FYB1: variants seen among roughly 807,000 people sequenced by gnomAD.
FYB1 encodes the protein FYN binding protein 1, also known as FYN-binding protein 1.
FYB1 carries 41 observed loss-of-function variants against 94.1 expected under a neutral mutation model. The ratio of observed to expected loss-of-function variants is 0.44; its 90% CI spans 0.34 to 0.57. The LOEUF (loss-of-function observed/expected upper bound fraction) is 0.57. FYB1 is among the 20% of genes least tolerant of loss of function. The probability of loss-of-function intolerance (pLI) is 0.02; values close to 1 mark genes in which losing one functional copy is unlikely to be tolerated. For synonymous variants in FYB1, 367 were observed against 353.2 expected (o/e 1.04, Z -0.44); for missense variants, 1,050 against 976.8 (o/e 1.07, Z -1.00).
At position 39,114,154 on chromosome 5, in the gene FYB1, AC is replaced by A. The variant is rs201012503; in HGVS notation, c.2402-3766del. Among the ~76,000 whole-genome samples, 1,052 of 152,310 alleles carry A rather than the reference AC, an allele frequency of 6.9e-3. 56 individuals are homozygous for A. In the East Asian group the frequency reaches 0.12, roughly 18 times the overall value. ...AAAGAAAATGGAGAGCATTTTGGCCACAAATAACTCAGACAAAAAGTATCTT... is the reference window on the plus strand; with the variant it reads ...AAAGAAAATGGAGAGCATTTTGGCCAAAATAACTCAGACAAAAAGTATCTT... On this transcript the variant is annotated intron_variant, in intron 16 of 18. Transcript: ENST00000512982.
At chr5:39,113,169 G>A (rs529532892) in intron 16 of FYB1, among the ~76,000 whole-genome samples, 2 of 151,088 alleles carry the variant, frequency 1.3e-5, no homozygotes, top group South Asian at 4.2e-4. Flanking sequence ...CTCCATTATA[G>A]GTCCTAGAAA....
chr5:39,174,548 C>T (rs1024027346), intron 2 of FYB1, among the ~76,000 whole-genome samples: 8 of 151,986 alleles, frequency 5.3e-5, no homozygotes, highest in Non-Finnish European at 1.2e-4. Context: ...ATAAGGAAAC[C>T]CTGAAAAACA....
chr5:39,192,976 T>A (rs1747495359), intron 2 of FYB1, among the ~76,000 whole-genome samples: 1 of 152,196 alleles, frequency 6.6e-6, no homozygotes, highest in African/African-American at 2.4e-5. Context: ...CTCCTCTAAG[T>A]GGATTGGCTG....
At chr5:39,132,791 C>T (rs10071851) in intron 9 of FYB1, among the ~76,000 whole-genome samples, 3,198 of 152,132 alleles carry the variant, frequency 0.021, 93 homozygotes, top group African/African-American at 0.064. Context: ...AGGGAGTGTG[C>T]TTTTTAAAAA....
chr5:39,203,052 T>C, intron 1 of FYB1, 65 bp from the exon 2 acceptor site: 1 of 1,410,418 alleles, frequency 7.1e-7, no homozygotes. Context: ...TTTAAAATAC[T>C]ATACCTTACA....
intron 2 of FYB1, among the ~76,000 whole-genome samples, chr5:39,183,938 T>C (rs189769214): frequency 6.6e-6 from 1 of 152,226 alleles, no homozygotes. Flanking sequence ...ACAGGCCACA[T>C]TGGGAGAAAC....
At chr5:39,200,893 A>G (rs1748250485) in intron 2 of FYB1, among the ~76,000 whole-genome samples, 1 of 152,208 alleles carries the variant, frequency 6.6e-6, no homozygotes, top group Non-Finnish European at 1.5e-5. Flanking sequence ...ACAGTTGCAC[A>G]TCATTTACCT....
intron 12 of FYB1, among the ~76,000 whole-genome samples, chr5:39,124,941 A>G (rs1404098854): frequency 6.6e-6 from 1 of 151,610 alleles, no homozygotes. Context: ...ACACACACAC[A>G]CACACACACA....
intron 13 of FYB1, among the ~76,000 whole-genome samples, chr5:39,122,759 T>G (rs1398097690): frequency 6.6e-6 from 1 of 152,142 alleles, no homozygotes; most frequent in East Asian, 1.9e-4. Flanking sequence ...ACTGGCAGGA[T>G]GAAGTAGAGA....
intron 4 of FYB1, among the ~76,000 whole-genome samples, chr5:39,140,565 A>C (rs1158427827): frequency 6.6e-6 from 1 of 152,216 alleles, no homozygotes; most frequent in Non-Finnish European, 1.5e-5. Flanking sequence ...CTTAGCAACC[A>C]TTCCACTTCA....
chr5:39,213,222 G>A (rs192141917), intron 1 of FYB1, among the ~76,000 whole-genome samples: 45 of 152,164 alleles, frequency 3.0e-4, no homozygotes, highest in Admixed American at 2.0e-3. Flanking sequence ...CTTAAACTGA[G>A]TCACCTAAGC....
intron 1 of FYB1, among the ~76,000 whole-genome samples, chr5:39,255,224 A>T (rs963845016): frequency 3.9e-5 from 6 of 152,194 alleles, no homozygotes; most frequent in African/African-American, 1.4e-4. Flanking sequence ...AATATAGAAA[A>T]TGGAGTTCCA....
chr5:39,137,146 G>A (rs1741738757), intron 7 of FYB1, among the ~76,000 whole-genome samples: 1 of 152,168 alleles, frequency 6.6e-6, no homozygotes, highest in Admixed American at 6.5e-5. Flanking sequence ...CTCATGTATA[G>A]ATACTAGCAA....
intron 3 of FYB1, among the ~76,000 whole-genome samples, chr5:39,147,697 CTTT>C (rs548956747): frequency 0.01 from 1,257 of 125,434 alleles, 20 homozygotes; most frequent in African/African-American, 0.034. Flanking sequence ...TCCACCTTGT[CTTT>C]TTTTTTTTTT....
chr5:39,235,019 C>T (rs1417156876), intron 1 of FYB1, among the ~76,000 whole-genome samples: 1 of 150,916 alleles, frequency 6.6e-6, no homozygotes, highest in Non-Finnish European at 1.5e-5. Flanking sequence ...AACAAACTTG[C>T]ACCTTCTGCA....
chr5:39,190,701 C>A (rs1271642609), intron 2 of FYB1, among the ~76,000 whole-genome samples: 2 of 152,014 alleles, frequency 1.3e-5, no homozygotes, highest in Non-Finnish European at 2.9e-5. Context: ...ATTCTAAAGG[C>A]TTGCCTTATT....
chr5:39,223,808 G>A (rs1157812344), upstream of FYB1, among the ~76,000 whole-genome samples: 2 of 152,108 alleles, frequency 1.3e-5, no homozygotes, highest in African/African-American at 2.4e-5. Flanking sequence ...AGATGGAGAA[G>A]GTCAGCTTAT....
chr5:39,224,908 C>T (rs188334873), intron 1 of FYB1, among the ~76,000 whole-genome samples: 9 of 152,260 alleles, frequency 5.9e-5, no homozygotes, highest in African/African-American at 1.4e-4. Context: ...GATTTTTCCA[C>T]CTCCAAGCTT....
In FYB1 at chr5:39,118,990, G is replaced by C; in HGVS notation, c.2285C>G (p.Ser762Cys). 6.5e-7 allele frequency: 1 copy of C among 1,537,528 alleles called. No homozygotes were observed. Among genetic ancestry groups the C allele is most frequent in the Non-Finnish European group, 8.9e-7 (1 of 1,128,798 alleles). ...GGTTCCCCACTTTTTAGAAGTTATG[G>C]AAGTTGTAACTTTAGTTGAATATAG... is the stretch of plus-strand genomic sequence containing the variant. ...RVLYSTKVTT[S>C]ITSKKWGTRD... Residue 762 changes from serine (S) to cysteine (C), a missense_variant, in exon 16 of 19, where the codon TCC becomes TGC. Transcript: ENST00000512982.
Sources: gnomAD v4.1 joint callset for allele counts (sites outside exome capture counted in the v4.1 genomes callset) on GRCh38, gnomAD v4.1.1 for gene constraint, MANE v1.5 for transcripts, NCBI Gene and HGNC (gene_info 2026-07-23, HGNC 2026-07-21) for gene names.